TLR4: variants seen among roughly 807,000 people sequenced by gnomAD.
TLR4 encodes toll-like receptor 4.
In TLR4, 17 loss-of-function variants were observed where a neutral mutation model predicts 27.4. The ratio of observed to expected loss-of-function variants is 0.62; its 90% CI spans 0.42 to 0.93. The LOEUF (loss-of-function observed/expected upper bound fraction) is 0.93. Ranked by LOEUF, TLR4 falls within the 40% of genes least tolerant of loss-of-function variation. The pLI is 0.00. For missense variants in TLR4, 926 were observed against 962.3 expected, an observed-to-expected ratio of 0.96 and a Z score of 0.50; for synonymous variants, 363 against 365.7, an observed-to-expected ratio of 0.99 and a Z score of 0.08.
In TLR4 at chr9:117,712,606, A is replaced by T; in HGVS notation, c.478A>T (p.Asn160Tyr). Residue 160 changes from asparagine (N) to tyrosine (Y), a missense_variant, in exon 3 of 3, where the codon AAT becomes TAT. Asn to Tyr is a moderately radical substitution (Grantham distance 143, BLOSUM62 -2). Transcript: ENST00000355622. ...KTLKELNVAHNLIQSFKLPEY... is the reference protein window; with the variant it reads ...KTLKELNVAHYLIQSFKLPEY... ...TTTGAAAGAACTTAATGTGGCTCACAATCTTATCCAATCTTTCAAATTACC... is the reference window on the plus strand; with the variant it reads ...TTTGAAAGAACTTAATGTGGCTCACTATCTTATCCAATCTTTCAAATTACC... 1 of 1,614,050 alleles carries T rather than the reference A, an allele frequency of 6.2e-7. No homozygotes were observed. Among genetic ancestry groups the T allele is most frequent in the South Asian group, 1.1e-5 (1 of 91,076 alleles).
At chr9:117,708,487 A>C (rs547296488) in intron 1 of TLR4, 76 bp from the exon 2 acceptor site, 1 of 1,606,448 alleles carries the variant, frequency 6.2e-7, no homozygotes, top group East Asian at 2.2e-5. Flanking sequence ...GCCCCTCTCC[A>C]CCATCTCTGG....
chr9:117,714,445 A>C lies in TLR4; in HGVS notation c.2317A>C (p.Lys773Gln). The C allele has an allele frequency of 6.2e-7, 1 of 1,613,826 alleles. No individual in the cohort carries two copies. The highest frequency in any genetic ancestry group is 8.5e-7 in the Non-Finnish European group (1 of 1,179,970). Residue 773 changes from lysine to glutamine, a missense_variant, in exon 3 of 3, where the codon AAG becomes CAG. By Grantham distance (53) the Lys-to-Gln change is moderately conservative. Transcript: ENST00000355622. The part of the protein sequence containing the change: ...RAGIIFIVLQ[K>Q]VEKTLLRQQV... ...TGGTATCATCTTCATTGTCCTGCAG[A>C]AGGTGGAGAAGACCCTGCTCAGGCA...
At position 117,718,182 on chromosome 9, in the gene TLR4, GA is replaced by G. The variant is rs999612941; in HGVS notation, c.*3537del. The stretch of plus-strand genomic sequence containing the variant: ...AATTTTTCAATAGCCCACAGAGTAG[GA>G]AAGTGACAAAACCTGAGCCTGGGCC... On this transcript the variant is annotated 3_prime_UTR_variant, in exon 3 of 3. Transcript: ENST00000355622. The G allele has an allele frequency of 1.3e-5, 2 of 152,064 alleles. No homozygotes were observed. The highest frequency in any genetic ancestry group is 2.9e-5 in the Non-Finnish European group (2 of 67,994). 9.4% of individuals were successfully genotyped at this position (152,064 alleles called of 1,614,324 possible).
intron 1 of TLR4, among the ~76,000 whole-genome samples, chr9:117,707,267 A>G (rs1331550746): frequency 1.3e-5 from 2 of 152,176 alleles, no homozygotes; most frequent in African/African-American, 2.4e-5. Flanking sequence ...GAAGATCTGC[A>G]TGTTTGAACT....
At chr9:117,708,540 C>A (rs775987839) in intron 1 of TLR4, 23 bp from the exon 2 acceptor site, 1 of 1,613,490 alleles carries the variant, frequency 6.2e-7, no homozygotes, top group Non-Finnish European at 8.5e-7. Context: ...AAAGATACTT[C>A]ATGTCATGTG....
At chr9:117,706,825 G>A (rs969843019) in intron 1 of TLR4, among the ~76,000 whole-genome samples, 7 of 152,152 alleles carry the variant, frequency 4.6e-5, no homozygotes, top group Non-Finnish European at 8.8e-5. Context: ...GATAGTGTTA[G>A]CTTTGCTCCT....
Position 117,716,830 on chromosome 9 carries a change from T to G in TLR4, c.*2182T>G, listed in dbSNP as rs1024924316. On this transcript the variant is annotated 3_prime_UTR_variant, in exon 3 of 3. Transcript: ENST00000355622. Reference sequence around the variant, plus strand: ...AGGTATGTGACTATGTCTAAACTCATCAAATTGTATACATTAAATATATGC... The same window carrying G: ...AGGTATGTGACTATGTCTAAACTCAGCAAATTGTATACATTAAATATATGC... 6.6e-6 allele frequency: 1 copy of G among 152,204 alleles called. No homozygotes were observed. The highest frequency in any genetic ancestry group is 1.5e-5 in the Non-Finnish European group (1 of 68,038). 9.4% of individuals were successfully genotyped at this position (152,204 alleles called of 1,614,324 possible).
At position 117,712,898 on chromosome 9, in the gene TLR4, G is replaced by C. The variant is rs199666264; in HGVS notation, c.770G>C (p.Arg257Pro). Residue 257 changes from arginine to proline, a missense_variant, in exon 3 of 3, where the codon CGT becomes CCT. Transcript: ENST00000355622. ...IQGLAGLEVHRLVLGEFRNEG... is the reference protein window; with the variant it reads ...IQGLAGLEVHPLVLGEFRNEG... Reference sequence around the variant, plus strand: ...GGTCTGGCTGGTTTAGAAGTCCATCGTTTGGTTCTGGGAGAATTTAGAAAT... The same window carrying C: ...GGTCTGGCTGGTTTAGAAGTCCATCCTTTGGTTCTGGGAGAATTTAGAAAT... 3.7e-6 allele frequency: 6 copies of C among 1,614,028 alleles called. No homozygotes were observed. The South Asian group carries it at 6.6e-5, about 18-fold the overall frequency.
Position 117,712,823 on chromosome 9 carries a change from C to T in TLR4, c.695C>T (p.Thr232Ile). Residue 232 changes from threonine to isoleucine, a missense_variant, in exon 3 of 3, where the codon ACT becomes ATT. Thr to Ile is a moderately conservative substitution (Grantham distance 89). Coordinates refer to ENST00000355622, the MANE Select transcript of TLR4 (RefSeq NM_138554.5). ...AAAGAAATTAGGCTTCATAAGCTGA[C>T]TTTAAGAAATAATTTTGATAGTTTA... Reference protein sequence around the residue: ...AFKEIRLHKLTLRNNFDSLNV... With the variant: ...AFKEIRLHKLILRNNFDSLNV... 1.2e-6 allele frequency: 2 copies of T among 1,613,972 alleles called. No individual in the cohort carries two copies. Among genetic ancestry groups the T allele is most frequent in the Non-Finnish European group, 1.7e-6 (2 of 1,179,996 alleles).
In TLR4 at chr9:117,713,471, A is replaced by G. The variant is rs775910328; in HGVS notation, c.1343A>G (p.Asn448Ser). ...SEFSVFLSLR[N>S]LIYLDISHTH... Reference sequence around the variant, plus strand: ...TTTTCAGTATTCCTATCACTCAGAAACCTCATTTACCTTGACATTTCTCAT... The same window carrying G: ...TTTTCAGTATTCCTATCACTCAGAAGCCTCATTTACCTTGACATTTCTCAT... Residue 448 changes from asparagine to serine, a missense_variant, in exon 3 of 3, where the codon AAC becomes AGC. Transcript: ENST00000355622. 1.7e-5 allele frequency: 27 copies of G among 1,614,086 alleles called. No homozygotes were observed. Among genetic ancestry groups the G allele is most frequent in the Non-Finnish European group, 2.2e-5 (26 of 1,180,008 alleles).
In TLR4 at chr9:117,713,232, A is replaced by G. The variant is rs200027316; in HGVS notation, c.1104A>G (p.Ser368=). 1.6e-5 allele frequency: 26 copies of G among 1,614,046 alleles called. No homozygotes were observed. The highest frequency in any genetic ancestry group is 2.2e-5 in the Non-Finnish European group (26 of 1,179,992). The change falls in exon 3 of 3, where the codon TCA becomes TCG. Residue 368 remains serine (S), a synonymous_variant. Coordinates refer to ENST00000355622, the MANE Select transcript of TLR4 (RefSeq NM_138554.5). ...CCAACAAAGGTGGGAATGCTTTTTC[A>G]GAAGTTGATCTACCAAGCCTTGAGT... ...FTSNKGGNAF[S]EVDLPSLEFL...
rs1300884341 is a variant in TLR4, at chr9:117,723,104, A to C, written c.*8456A>C. On this transcript the variant is annotated 3_prime_UTR_variant, in exon 3 of 3. Coordinates refer to ENST00000355622, the MANE Select transcript of TLR4 (RefSeq NM_138554.5). Reference sequence around the variant, plus strand: ...CTCTCTGACATTCTAGCATGTTCACATCTCCAGGGCTGTTTCCTTACCTAT... The same window carrying C: ...CTCTCTGACATTCTAGCATGTTCACCTCTCCAGGGCTGTTTCCTTACCTAT... The C allele has an allele frequency of 6.6e-6, 1 of 152,192 alleles. No individual in the cohort carries two copies. Among genetic ancestry groups the C allele is most frequent in the East Asian group, 1.9e-4 (1 of 5,186 alleles). The allele number at this position is 152,192 out of a possible 1,614,324, so 9.4% of individuals were successfully genotyped here.
chr9:117,710,029 A>AT (rs1829204671), intron 2 of TLR4, among the ~76,000 whole-genome samples: 1 of 152,106 alleles, frequency 6.6e-6, no homozygotes, highest in Non-Finnish European at 1.5e-5. Context: ...TATAAAATAT[A>AT]TTTTATAAGC....
At chr9:117,705,624 T>C (rs1283270781) in intron 1 of TLR4, among the ~76,000 whole-genome samples, 1 of 152,154 alleles carries the variant, frequency 6.6e-6, no homozygotes, top group East Asian at 1.9e-4. Context: ...TCCCTGCCCA[T>C]CCCCTTAGTT....
At chr9:117,706,555 G>T (rs764510367) in intron 1 of TLR4, among the ~76,000 whole-genome samples, 4 of 152,046 alleles carry the variant, frequency 2.6e-5, no homozygotes, top group Non-Finnish European at 5.9e-5. Flanking sequence ...TCCTGATCTG[G>T]CTTGCCCTCT....
intron 1 of TLR4, among the ~76,000 whole-genome samples, chr9:117,705,960 A>T (rs1455991708): frequency 6.6e-6 from 1 of 151,470 alleles, no homozygotes; most frequent in Non-Finnish European, 1.5e-5. Flanking sequence ...TAGTAGCCTC[A>T]TTAAAAAAAG....
chr9:117,708,881 C>T (rs1829183280), intron 2 of TLR4, 152 bp downstream of exon 2: 1 of 940,446 alleles, frequency 1.1e-6, no homozygotes, highest in African/African-American at 1.6e-5. Flanking sequence ...TAACCTTGAG[C>T]AAGCTACCTC....
At position 117,717,303 on chromosome 9, in the gene TLR4, C is replaced by T. The variant is rs1201797438; in HGVS notation, c.*2655C>T. The T allele has an allele frequency of 6.6e-6, 1 of 152,012 alleles. No homozygotes were observed. 9.4% of individuals were successfully genotyped at this position (152,012 alleles called of 1,614,324 possible). On this transcript the variant is annotated 3_prime_UTR_variant, in exon 3 of 3. Transcript: ENST00000355622. ...TTAGACCCCAAGTGGATCTCTGAGA[C>T]CGCAGATGGTACCAAACCTCATATA...
chr9:117,713,823 G>T lies in TLR4; in HGVS notation c.1695G>T (p.Gln565His), dbSNP rs1829288848. The change falls in exon 3 of 3, where the codon CAG (glutamine) becomes CAT (histidine). Residue 565 changes from glutamine to histidine, a missense_variant. Transcript: ENST00000355622. ...HIMTSKKQEL[Q>H]HFPSSLAFLN... ...TGACTTCCAAAAAACAGGAACTACAGCATTTTCCAAGTAGTCTAGCTTTCT... is the reference window on the plus strand; with the variant it reads ...TGACTTCCAAAAAACAGGAACTACATCATTTTCCAAGTAGTCTAGCTTTCT... 1 of 1,613,972 alleles carries T rather than the reference G, an allele frequency of 6.2e-7. No homozygotes were observed.
Sources: allele counts gnomAD v4.1 joint callset (sites outside exome capture counted in the v4.1 genomes callset), GRCh38; gene constraint gnomAD v4.1.1; transcripts MANE v1.5; gene names NCBI Gene and HGNC (gene_info 2026-07-23, HGNC 2026-07-21).